PTPRG: variants seen among roughly 807,000 people sequenced by gnomAD.
PTPRG encodes the protein protein tyrosine phosphatase receptor type G.
In PTPRG, 102 loss-of-function variants were observed where a neutral mutation model predicts 165.3. The observed-to-expected ratio is 0.62, with a 90% CI of 0.53 to 0.73. The LOEUF is 0.73. PTPRG is among the 30% of genes least tolerant of loss of function. The probability of loss-of-function intolerance (pLI) is 0.00; values close to 1 mark genes in which losing one functional copy is unlikely to be tolerated. For missense variants in PTPRG, 1,866 were observed against 1,861.4 expected (o/e 1.00, Z -0.05); for synonymous variants, 675 against 669.5 (o/e 1.01, Z -0.13).
intron 2 of PTPRG, among the ~76,000 whole-genome samples, chr3:61,800,941 G>A (rs148488494): frequency 5.4e-4 from 82 of 152,176 alleles, no homozygotes; most frequent in African/African-American, 1.9e-3. Context: ...CACCATGTCC[G>A]GCCAGAACTC....
rs979168982 is a variant in PTPRG at position 61,904,243 on chromosome 3, C to G, written c.191-85382C>G. Among the ~76,000 whole-genome samples the G allele has an allele frequency of 2.6e-5, 4 of 152,282 alleles. No individual in the cohort carries two copies. The South Asian group carries it at 8.3e-4, about 32-fold the overall frequency. On this transcript the variant is annotated intron_variant, in intron 2 of 29. Coordinates refer to ENST00000474889, the MANE Select transcript of PTPRG (RefSeq NM_002841.4). Reference sequence around the variant, plus strand: ...ACCCACCACTTGAAACTGGGCCCTGCTGTGATTGTAAGTCTCCATCCAGAA... The same window carrying G: ...ACCCACCACTTGAAACTGGGCCCTGGTGTGATTGTAAGTCTCCATCCAGAA...
At position 62,170,053 on chromosome 3, in the gene PTPRG, TAGTGAGGAG is replaced by T. The variant is rs1705158129; in HGVS notation, c.1033+1892_1033+1900del. ...CTGTCTGTGTGATTTTGTTTGAGGT[TAGTGAGGAG>T]AAGTGAGTCAGGCACCAGGTTCCCT... On this transcript the variant is annotated intron_variant, in intron 8 of 29. Transcript: ENST00000474889. Among the ~76,000 whole-genome samples, 4 of 152,242 alleles carry T rather than the reference TAGTGAGGAG, an allele frequency of 2.6e-5. No homozygotes were observed. The South Asian group carries it at 6.2e-4, about 24-fold the overall frequency.
chr3:61,620,351 A>G (rs931558121), intron 1 of PTPRG, among the ~76,000 whole-genome samples: 6 of 152,244 alleles, frequency 3.9e-5, no homozygotes, highest in Admixed American at 6.5e-5. Context: ...GGCAGCCAAC[A>G]GCAGTAGCCA....
intron 14 of PTPRG, among the ~76,000 whole-genome samples, chr3:62,234,177 C>T (rs978620199): frequency 1.3e-5 from 2 of 152,190 alleles, no homozygotes; most frequent in African/African-American, 4.8e-5. Flanking sequence ...CATCCTTTTA[C>T]ACAGAAGCAT....
intron 1 of PTPRG, among the ~76,000 whole-genome samples, chr3:61,706,213 A>G (rs2031246101): frequency 6.6e-6 from 1 of 152,258 alleles, no homozygotes; most frequent in Middle Eastern, 3.4e-3. Context: ...GGGGGGGAAA[A>G]AAAAAAGAAC....
chr3:61,779,040 C>A (rs543396341), intron 2 of PTPRG, among the ~76,000 whole-genome samples: 24 of 152,042 alleles, frequency 1.6e-4, no homozygotes, highest in Non-Finnish European at 3.5e-4. Flanking sequence ...GAAAAATAAT[C>A]ATTTCAGGAG....
intron 2 of PTPRG, among the ~76,000 whole-genome samples, chr3:61,829,454 G>C (rs971246908): frequency 6.6e-6 from 1 of 152,210 alleles, no homozygotes; most frequent in African/African-American, 2.4e-5. Flanking sequence ...GCCTCACTTA[G>C]CCCGATCACT....
At chr3:61,888,405 C>G (rs1212330975) in intron 2 of PTPRG, among the ~76,000 whole-genome samples, 1 of 151,684 alleles carries the variant, frequency 6.6e-6, no homozygotes, top group Non-Finnish European at 1.5e-5. Context: ...GCAATCTAGG[C>G]TCACTGCAAG....
intron 2 of PTPRG, among the ~76,000 whole-genome samples, chr3:61,768,088 T>C (rs1315886755): frequency 6.6e-6 from 1 of 152,190 alleles, no homozygotes; most frequent in Non-Finnish European, 1.5e-5. Flanking sequence ...TATTAATTGA[T>C]TTTAGATTTT....
chr3:61,653,222 T>C (rs1018003154), intron 1 of PTPRG, among the ~76,000 whole-genome samples: 1 of 152,200 alleles, frequency 6.6e-6, no homozygotes, highest in African/African-American at 2.4e-5. Flanking sequence ...GTATTGTACA[T>C]ATAGGGTTAG....
intron 1 of PTPRG, among the ~76,000 whole-genome samples, chr3:61,631,979 G>C (rs539570574): frequency 1.3e-5 from 2 of 152,132 alleles, no homozygotes; most frequent in African/African-American, 2.4e-5. Context: ...TATAGGGAGT[G>C]ATCAATTCTG....
At chr3:61,798,012 G>C (rs926230062) in intron 2 of PTPRG, among the ~76,000 whole-genome samples, 1 of 152,180 alleles carries the variant, frequency 6.6e-6, no homozygotes, top group African/African-American at 2.4e-5. Flanking sequence ...ACTTGAGTCT[G>C]CCTGCTGAAT....
intron 1 of PTPRG, among the ~76,000 whole-genome samples, chr3:61,628,370 G>A (rs567050593): frequency 5.3e-5 from 8 of 151,950 alleles, no homozygotes; most frequent in Non-Finnish European, 1.2e-4. Flanking sequence ...AGGCTGGAGT[G>A]CAGTGGCATG....
intron 2 of PTPRG, among the ~76,000 whole-genome samples, chr3:61,767,635 T>C (rs911324955): frequency 4.6e-5 from 7 of 152,196 alleles, no homozygotes; most frequent in African/African-American, 1.7e-4. Flanking sequence ...CAAGACACTT[T>C]GGTGGACTAT....
At position 61,887,123 on chromosome 3, in the gene PTPRG, CATATATAT is replaced by C. The variant is rs148352398; in HGVS notation, c.191-102461_191-102454del. 3.5e-3 allele frequency among the ~76,000 whole-genome samples: 302 copies of C among 85,856 alleles called. 3 individuals carry two copies. The highest frequency in any genetic ancestry group is 0.012 in the African/African-American group (155 of 12,640). 56.3% of individuals were successfully genotyped at this position (85,856 alleles called of 152,430 possible). Reference sequence around the variant, plus strand: ...ATTTTTAAAGTATAACCATAGCATGCATATATATATATATATATATATATATATATATA... The same window carrying C: ...ATTTTTAAAGTATAACCATAGCATGCATATATATATATATATATATATATA... On this transcript the variant is annotated intron_variant, in intron 2 of 29. Transcript: ENST00000474889.
chr3:61,929,556 T>A (rs78620115), intron 2 of PTPRG, among the ~76,000 whole-genome samples: 2,457 of 152,274 alleles, frequency 0.016, 38 homozygotes, highest in Middle Eastern at 0.037. Flanking sequence ...TAACCGTCCT[T>A]TGGATGTGAG....
At chr3:62,081,244 G>A (rs1414032136) in intron 5 of PTPRG, among the ~76,000 whole-genome samples, 2 of 140,972 alleles carry the variant, frequency 1.4e-5, no homozygotes, top group Non-Finnish European at 3.0e-5. Flanking sequence ...GCGACAGAGT[G>A]AGACTCCGTC....
At chr3:61,716,914 G>C (rs981464006) in intron 1 of PTPRG, among the ~76,000 whole-genome samples, 5 of 152,198 alleles carry the variant, frequency 3.3e-5, no homozygotes. Flanking sequence ...AGAGGTTGCA[G>C]TGAGCCAAAA....
At chr3:62,277,716 A>G (rs1255976048) in intron 26 of PTPRG, 37 bp downstream of exon 26, 2 of 1,607,718 alleles carry the variant, frequency 1.2e-6, no homozygotes, top group Admixed American at 3.3e-5. Flanking sequence ...TAATGAGCCC[A>G]TGAGGCTACA....
Sources: allele counts gnomAD v4.1 joint callset (sites outside exome capture counted in the v4.1 genomes callset), GRCh38; gene constraint gnomAD v4.1.1; transcripts MANE v1.5; gene names NCBI Gene and HGNC (gene_info 2026-07-23, HGNC 2026-07-21).